CAST: variants seen among roughly 807,000 people sequenced by gnomAD.
The protein encoded by CAST is MIR583 host.
Under a neutral mutation model 119.6 loss-of-function variants are expected in CAST, and 76 were observed. That is an observed-to-expected ratio of 0.64 (90% CI 0.53 to 0.77). The LOEUF (loss-of-function observed/expected upper bound fraction) is 0.77. CAST is among the 30% of genes least tolerant of loss of function. The probability of loss-of-function intolerance (pLI) is 0.00; values close to 1 mark genes in which losing one functional copy is unlikely to be tolerated. For missense variants in CAST, 953 were observed against 946.5 expected, an observed-to-expected ratio of 1.01 and a Z score of -0.09; for synonymous variants, 319 against 331.6, an observed-to-expected ratio of 0.96 and a Z score of 0.41.
At chr5:96,332,870 T>A in the CAST span, among the ~76,000 whole-genome samples, 1 of 152,144 alleles carries the variant, frequency 6.6e-6, no homozygotes, top group Non-Finnish European at 1.5e-5. Context: ...GCCCTGTTTT[T>A]CCCTCCTCCA....
rs540452871 is a variant in CAST at position 96,687,269 on chromosome 5, G to A, written c.139-8567G>A. On this transcript the variant is annotated intron_variant, in intron 2 of 31. Transcript: ENST00000675179. ...TAGCCTGTCAGTATTCTTGCTATGA[G>A]TGGGTAGTGCAGAGATGAACGTGGA... 6.6e-5 allele frequency among the ~76,000 whole-genome samples: 10 copies of A among 152,308 alleles called. No homozygotes were observed. In the East Asian group the frequency reaches 1.5e-3, roughly 23 times the overall value.
At chr5:96,341,588 T>C in the CAST span, among the ~76,000 whole-genome samples, 418 of 152,250 alleles carry the variant, frequency 2.7e-3, 1 homozygote, top group Non-Finnish European at 5.1e-3. Flanking sequence ...CTATTATCCC[T>C]TTCTGGGTGT....
intron 1 of CAST, among the ~76,000 whole-genome samples, chr5:96,598,141 C>T (rs780666759): frequency 3.3e-5 from 5 of 152,308 alleles, no homozygotes; most frequent in Middle Eastern, 3.4e-3. Flanking sequence ...GCTGCCCATA[C>T]ATAACAAAAT....
At chr5:96,292,010 A>T in the CAST span, among the ~76,000 whole-genome samples, 1 of 152,180 alleles carries the variant, frequency 6.6e-6, no homozygotes, top group Non-Finnish European at 1.5e-5. Context: ...ACCTAGAACA[A>T]TTCAGACTTT....
the CAST span, among the ~76,000 whole-genome samples, chr5:96,315,623 G>A: frequency 2.0e-5 from 3 of 152,176 alleles, no homozygotes; most frequent in Non-Finnish European, 4.4e-5. Context: ...ATTAAAGATA[G>A]CCACAAATTC....
chr5:96,139,350 T>C, the CAST span, among the ~76,000 whole-genome samples: 1 of 151,704 alleles, frequency 6.6e-6, no homozygotes, highest in Non-Finnish European at 1.5e-5. Context: ...GGGCTTAGTG[T>C]CTAGGAGTCA....
chr5:95,982,751 T>C, the CAST span, among the ~76,000 whole-genome samples: 1 of 152,222 alleles, frequency 6.6e-6, no homozygotes, highest in Non-Finnish European at 1.5e-5. Flanking sequence ...ACATTTGACA[T>C]TTATAGATTT....
At chr5:96,574,634 T>C (rs1746634634) in intron 1 of CAST, among the ~76,000 whole-genome samples, 1 of 152,156 alleles carries the variant, frequency 6.6e-6, no homozygotes, top group South Asian at 2.1e-4. Context: ...CAAATTTTCC[T>C]TGTGTTTTCC....
intron 1 of CAST, among the ~76,000 whole-genome samples, chr5:96,586,150 C>G (rs1746855788): frequency 6.6e-6 from 1 of 152,170 alleles, no homozygotes; most frequent in African/African-American, 2.4e-5. Context: ...GATAAGGAAG[C>G]TGAGGCTCTA....
the CAST span, among the ~76,000 whole-genome samples, chr5:96,307,686 G>T: frequency 6.6e-6 from 1 of 152,090 alleles, no homozygotes; most frequent in African/African-American, 2.4e-5. Flanking sequence ...GTCCATAAAG[G>T]ATTTTATTTC....
At chr5:96,341,307 C>A in the CAST span, among the ~76,000 whole-genome samples, 2 of 151,916 alleles carry the variant, frequency 1.3e-5, no homozygotes, top group Non-Finnish European at 2.9e-5. Context: ...AATCTCCTTT[C>A]ATTCCTGCCC....
intron 20 of CAST, among the ~76,000 whole-genome samples, chr5:96,752,248 T>G (rs152082): frequency 0.025 from 3,804 of 152,328 alleles, 161 homozygotes; most frequent in African/African-American, 0.087. Flanking sequence ...TCCAGATTCC[T>G]TTGTTCTTAA....
chr5:96,279,412 C>G, the CAST span, among the ~76,000 whole-genome samples: 2 of 152,094 alleles, frequency 1.3e-5, no homozygotes. Flanking sequence ...CAAGGAATCC[C>G]CCTGCCAATT....
At chr5:96,302,045 G>C in the CAST span, among the ~76,000 whole-genome samples, 9 of 152,164 alleles carry the variant, frequency 5.9e-5, no homozygotes, top group African/African-American at 2.2e-4. Context: ...CTGGACATCC[G>C]GACATTTCCA....
At chr5:96,620,659 C>T (rs965277334) in intron 1 of CAST, among the ~76,000 whole-genome samples, 1 of 151,936 alleles carries the variant, frequency 6.6e-6, no homozygotes, top group Non-Finnish European at 1.5e-5. Context: ...AAGACATAAC[C>T]TCATTGTAAG....
upstream of CAST, among the ~76,000 whole-genome samples, chr5:96,528,547 T>C (rs1485201051): frequency 6.6e-6 from 1 of 152,124 alleles, no homozygotes; most frequent in Non-Finnish European, 1.5e-5. Context: ...TTCAGTTGGC[T>C]CACAAGATGG....
chr5:96,358,697 T>C, the CAST span, among the ~76,000 whole-genome samples: 186 of 152,306 alleles, frequency 1.2e-3, no homozygotes, highest in African/African-American at 4.3e-3. Context: ...TCTAAGACAC[T>C]GTTTGTTATA....
At chr5:96,604,841 G>T (rs929074994) in intron 1 of CAST, among the ~76,000 whole-genome samples, 12 of 152,218 alleles carry the variant, frequency 7.9e-5, no homozygotes, top group African/African-American at 2.9e-4. Flanking sequence ...TCCTTTATCA[G>T]CAGCTCAGAA....
intron 1 of CAST, among the ~76,000 whole-genome samples, chr5:96,556,645 G>A (rs887804537): frequency 5.9e-5 from 9 of 152,146 alleles, no homozygotes; most frequent in African/African-American, 2.2e-4. Context: ...GAAGTGAGAA[G>A]AGAAGTTTAG....
Sources: allele counts gnomAD v4.1 joint callset (sites outside exome capture counted in the v4.1 genomes callset), GRCh38; gene constraint gnomAD v4.1.1; transcripts MANE v1.5; gene names NCBI Gene and HGNC (gene_info 2026-07-23, HGNC 2026-07-21).